RASGRF1: variants seen among roughly 807,000 people sequenced by gnomAD.
RASGRF1 encodes ras-specific guanine nucleotide-releasing factor 1.
Under a neutral mutation model 138.7 loss-of-function variants are expected in RASGRF1, and 40 were observed. The ratio of observed to expected loss-of-function variants is 0.29; its 90% CI spans 0.22 to 0.38. The LOEUF (loss-of-function observed/expected upper bound fraction) is 0.38, where lower values mean the gene tolerates loss of function less well. RASGRF1 is among the 10% of genes least tolerant of loss of function. The pLI is 1.00. For missense variants in RASGRF1, 1,108 were observed against 1,650.4 expected, an observed-to-expected ratio of 0.67 and a Z score of 5.69; for synonymous variants, 614 against 663.2, an observed-to-expected ratio of 0.93 and a Z score of 1.14.
intron 2 of RASGRF1, among the ~76,000 whole-genome samples, chr15:79,062,598 G>A (rs900682426): frequency 1.3e-5 from 2 of 151,938 alleles, no homozygotes; most frequent in African/African-American, 4.8e-5. Context: ...GCAATGGCGC[G>A]ATCTTGGCTC....
At position 79,049,560 on chromosome 15, in the gene RASGRF1, C is replaced by T. The variant is rs780918719; in HGVS notation, c.560G>A (p.Arg187His). The T allele has an allele frequency of 1.8e-5, 29 of 1,613,620 alleles. No individual in the cohort carries two copies. The South Asian group carries it at 2.0e-4, about 11-fold the overall frequency. Residue 187 changes from arginine (R) to histidine (H), a missense_variant, in exon 4 of 27, where the codon CGC (arginine) becomes CAC (histidine). Arg to His is a conservative substitution (Grantham distance 29, BLOSUM62 0). This residue lies in a region of RASGRF1 where 253 missense variants were observed against 329.5 expected (regional missense o/e 0.77). Transcript: ENST00000558480. ...GGCGACAGTCTGGGTGGACTGGATGCGCTCATTGTCCTTGAGCAGGGATGT... is the reference window on the plus strand; with the variant it reads ...GGCGACAGTCTGGGTGGACTGGATGTGCTCATTGTCCTTGAGCAGGGATGT... ...EITSLLKDNE[R>H]IQSTQTVAPN...
chr15:78,968,630 G>T (rs907429218), intron 26 of RASGRF1, among the ~76,000 whole-genome samples: 1 of 152,032 alleles, frequency 6.6e-6, no homozygotes, highest in East Asian at 1.9e-4. Context: ...ATTGCTAAAA[G>T]ACATTGATAT....
intron 8 of RASGRF1, among the ~76,000 whole-genome samples, chr15:79,030,983 C>T (rs898529536): frequency 1.3e-5 from 2 of 152,212 alleles, no homozygotes; most frequent in African/African-American, 4.8e-5. Context: ...CCAACCACTG[C>T]CACTACCTGC....
At chr15:79,010,783 CT>C (rs2056779646) in intron 13 of RASGRF1, among the ~76,000 whole-genome samples, 3 of 152,190 alleles carry the variant, frequency 2.0e-5, no homozygotes, top group Admixed American at 1.3e-4. Flanking sequence ...GGGGCAGGGC[CT>C]CAGCCCCAGG....
chr15:79,052,819 G>A (rs531107106), intron 3 of RASGRF1, among the ~76,000 whole-genome samples: 199 of 152,328 alleles, frequency 1.3e-3, no homozygotes, highest in South Asian at 4.1e-3. Flanking sequence ...AATGGGGGAT[G>A]GCAGGAGAGA....
intron 8 of RASGRF1, among the ~76,000 whole-genome samples, chr15:79,030,877 G>C (rs1193521150): frequency 6.6e-6 from 1 of 152,246 alleles, no homozygotes; most frequent in Non-Finnish European, 1.5e-5. Context: ...CCTTGCAGAG[G>C]AAGCTTCCCT....
At position 78,961,756 on chromosome 15, in the gene RASGRF1, GA is replaced by G. The variant is rs2055547923; in HGVS notation, c.*387del. 1 of 139,100 alleles carries G rather than the reference GA, an allele frequency of 7.2e-6. No individual in the cohort carries two copies. The highest frequency in any genetic ancestry group is 2.6e-4 in the South Asian group (1 of 3,888). 8.6% of individuals were successfully genotyped at this position (139,100 alleles called of 1,614,324 possible). A position where few individuals can be genotyped will look rare whatever the true frequency, so the allele number is the denominator to read the frequency against. ...CCCACCCAGTTATAACAACTACATGGAACATGCTGGGAGGATGCCTGGGTGG... is the reference window on the plus strand; with the variant it reads ...CCCACCCAGTTATAACAACTACATGGACATGCTGGGAGGATGCCTGGGTGG... On this transcript the variant is annotated 3_prime_UTR_variant, in exon 27 of 27. Transcript: ENST00000558480.
chr15:78,986,338 A>C (rs1244785267), intron 22 of RASGRF1, among the ~76,000 whole-genome samples: 2 of 151,392 alleles, frequency 1.3e-5, no homozygotes, highest in Admixed American at 1.3e-4. Flanking sequence ...TTCTTTTGCA[A>C]CTTTCTAAGA....
At position 79,073,062 on chromosome 15, in the gene RASGRF1, C is replaced by T. The variant is rs1262600960; in HGVS notation, c.277-8536G>A. ...GTCCCAGGGACATCCTAGAACTCTC[C>T]AATGCAACAGAGAGCCTCATGCCCA... On this transcript the variant is annotated intron_variant, in intron 1 of 26. Coordinates refer to ENST00000558480, the MANE Select transcript of RASGRF1 (RefSeq NM_001145648.3). The surrounding 1 kb of genome is among the most constrained non-coding windows in gnomAD (Gnocchi z 4.2). Among the ~76,000 whole-genome samples the T allele has an allele frequency of 2.0e-5, 3 of 152,182 alleles. No homozygotes were observed. Among genetic ancestry groups the T allele is most frequent in the Non-Finnish European group, 4.4e-5 (3 of 68,040 alleles).
intron 10 of RASGRF1, among the ~76,000 whole-genome samples, chr15:79,024,157 T>C (rs904182139): frequency 6.7e-6 from 1 of 148,882 alleles, no homozygotes; most frequent in Non-Finnish European, 1.5e-5. Flanking sequence ...CACACACATA[T>C]ACACATATAC....
chr15:78,994,215 T>C (rs55942507), intron 20 of RASGRF1, among the ~76,000 whole-genome samples: 38,178 of 152,116 alleles, frequency 0.25, 4,936 homozygotes, highest in African/African-American at 0.28. Context: ...AAAGGGTCAG[T>C]CTGGAGGAAG....
chr15:79,084,526 G>A (rs919173047), intron 1 of RASGRF1, among the ~76,000 whole-genome samples: 2 of 152,216 alleles, frequency 1.3e-5, no homozygotes, highest in Non-Finnish European at 2.9e-5. Flanking sequence ...CATTCCCTGG[G>A]CTCTGGACAA....
intron 26 of RASGRF1, 136 bp downstream of exon 26, chr15:78,971,730 C>G (rs970218001): frequency 1.6e-5 from 13 of 789,562 alleles, no homozygotes; most frequent in Non-Finnish European, 2.6e-5. Context: ...GCCTTCCTTA[C>G]AGGGATGGCA....
At chr15:79,024,897 C>T (rs2057022960) in intron 10 of RASGRF1, among the ~76,000 whole-genome samples, 1 of 150,458 alleles carries the variant, frequency 6.6e-6, no homozygotes, top group South Asian at 2.1e-4. Flanking sequence ...ACACCACGCA[C>T]ACATACACAC....
intron 2 of RASGRF1, among the ~76,000 whole-genome samples, chr15:79,059,222 T>TTC (rs2057554180): frequency 1.7e-5 from 1 of 57,698 alleles, no homozygotes; most frequent in Non-Finnish European, 3.2e-5. Context: ...CCCTTCCCTA[T>TTC]CCTTCCCTTC....
intron 1 of RASGRF1, among the ~76,000 whole-genome samples, chr15:79,083,008 T>C (rs1475208444): frequency 6.6e-6 from 1 of 152,214 alleles, no homozygotes; most frequent in Non-Finnish European, 1.5e-5. Flanking sequence ...AAACAGCGTG[T>C]AGTTTAACAC....
At chr15:79,069,066 C>T (rs1250193814) in intron 1 of RASGRF1, among the ~76,000 whole-genome samples, 8 of 152,172 alleles carry the variant, frequency 5.3e-5, no homozygotes, top group Admixed American at 2.0e-4. Flanking sequence ...GAGGCCCCTC[C>T]TTCCTTGGAG....
rs371105843 is a variant in RASGRF1 at position 79,004,097 on chromosome 15, G to T, written c.2154C>A (p.Thr718=). The T allele has an allele frequency of 1.9e-6, 3 of 1,613,828 alleles. No individual in the cohort carries two copies. The highest frequency in any genetic ancestry group is 1.7e-6 in the Non-Finnish European group (2 of 1,180,000). ...GAGGTGGCGGCGAGGAGAACTTGCG[G>T]GTGGCGCGCGGGGACTTGGGGGGTT... The part of the protein sequence containing the change: ...YGEPPKSPRA[T]RKFSSPPPLS... Residue 718 remains threonine (T), a synonymous_variant, in exon 15 of 27, where the codon ACC becomes ACA. Coordinates refer to ENST00000558480, the MANE Select transcript of RASGRF1 (RefSeq NM_001145648.3).
intron 13 of RASGRF1, among the ~76,000 whole-genome samples, chr15:79,014,939 A>C (rs1161722552): frequency 6.7e-6 from 1 of 149,068 alleles, no homozygotes; most frequent in African/African-American, 2.5e-5. Context: ...AACAAAAAAC[A>C]AAAAACAAAA....
Sources: allele counts gnomAD v4.1 joint callset (sites outside exome capture counted in the v4.1 genomes callset), GRCh38; gene constraint gnomAD v4.1.1; regional missense constraint gnomAD v4.1.1; non-coding constraint Gnocchi (gnomAD v3.1); transcripts MANE v1.5; gene names NCBI Gene and HGNC (gene_info 2026-07-23, HGNC 2026-07-21).